Variants in ARHGAP12 observed in about 807,000 individuals in gnomAD.
ARHGAP12 encodes rho GTPase-activating protein 12.
ARHGAP12 carries 64 observed loss-of-function variants against 108.6 expected under a neutral mutation model. The observed-to-expected ratio is 0.59, with a 90% CI of 0.48 to 0.73. The LOEUF is 0.73. Among genes scored for constraint, ARHGAP12 ranks in the 30% least tolerant of loss-of-function variants. The pLI, the probability that ARHGAP12 is intolerant of heterozygous loss-of-function variation, is 0.00. For synonymous variants in ARHGAP12, 312 were observed against 337.2 expected, an observed-to-expected ratio of 0.93 and a Z score of 0.82; for missense variants, 940 against 1,005.9, an observed-to-expected ratio of 0.93 and a Z score of 0.89.
rs756096661 is a variant in ARHGAP12 at position 31,843,487 on chromosome 10, T to C, written c.1270A>G (p.Thr424Ala). The C allele has an allele frequency of 1.9e-6, 3 of 1,613,110 alleles. No homozygotes were observed. The highest frequency in any genetic ancestry group is 2.2e-5 in the South Asian group (2 of 90,954). Residue 424 changes from threonine (T) to alanine (A), a missense_variant, in exon 7 of 20, where the codon ACC (threonine) becomes GCC (alanine). Transcript: ENST00000344936. Reference sequence around the variant, plus strand: ...TTATCATTAGTGTCCAATACAATGGTGCTATGTCTCCACTTTGTTAATACT... The same window carrying C: ...TTATCATTAGTGTCCAATACAATGGCGCTATGTCTCCACTTTGTTAATACT... ...PIVLTKWRHS[T>A]IVLDTNDKES... is the part of the protein sequence containing the mutation.
chr10:31,920,463 A>G (rs1325230359), intron 1 of ARHGAP12, among the ~76,000 whole-genome samples: 1 of 151,048 alleles, frequency 6.6e-6, no homozygotes, highest in Admixed American at 6.6e-5. Context: ...AAAAAAAAAA[A>G]AAAAAAAAGA....
chr10:31,853,998 C>G (rs534882494), intron 5 of ARHGAP12, 68 bp downstream of exon 5: 12 of 1,449,318 alleles, frequency 8.3e-6, no homozygotes, highest in African/African-American at 1.4e-5. Flanking sequence ...AATACTAAAA[C>G]TGCAGTACAC....
intron 6 of ARHGAP12, among the ~76,000 whole-genome samples, chr10:31,849,910 A>G (rs962554925): frequency 2.6e-5 from 4 of 152,172 alleles, no homozygotes; most frequent in Admixed American, 2.6e-4. Context: ...AATGCAGCCT[A>G]TAGTTCTTCT....
At chr10:31,916,530 TC>T (rs1340769517) in intron 1 of ARHGAP12, among the ~76,000 whole-genome samples, 1 of 152,088 alleles carries the variant, frequency 6.6e-6, no homozygotes, top group Non-Finnish European at 1.5e-5. Context: ...GTTGTCTTTC[TC>T]CCCCAGGACA....
intron 3 of ARHGAP12, among the ~76,000 whole-genome samples, chr10:31,863,337 A>G (rs1174612104): frequency 1.3e-5 from 2 of 152,200 alleles, no homozygotes; most frequent in Non-Finnish European, 1.5e-5. Flanking sequence ...CATGTCTCAG[A>G]ACCTAGAATA....
At chr10:31,838,247 T>C (rs1836101215) in intron 9 of ARHGAP12, among the ~76,000 whole-genome samples, 2 of 151,930 alleles carry the variant, frequency 1.3e-5, no homozygotes, top group African/African-American at 4.8e-5. Flanking sequence ...GCAGGCTCCT[T>C]TGAGGAACTG....
intron 3 of ARHGAP12, among the ~76,000 whole-genome samples, chr10:31,900,362 T>C (rs752263755): frequency 3.9e-4 from 60 of 152,338 alleles, no homozygotes; most frequent in Middle Eastern, 3.4e-3. Context: ...CCATACATCA[T>C]GTTCTTAAGG....
At chr10:31,874,730 T>C (rs904569335) in intron 3 of ARHGAP12, among the ~76,000 whole-genome samples, 5 of 151,944 alleles carry the variant, frequency 3.3e-5, no homozygotes, top group Non-Finnish European at 2.9e-5. Context: ...TCCTAGCACT[T>C]TGGGCGGCCG....
At chr10:31,916,174 A>C (rs958575926) in intron 1 of ARHGAP12, among the ~76,000 whole-genome samples, 1 of 152,034 alleles carries the variant, frequency 6.6e-6, no homozygotes, top group South Asian at 2.1e-4. Flanking sequence ...CATCCCAAAC[A>C]CTTACAACTA....
intron 3 of ARHGAP12, among the ~76,000 whole-genome samples, chr10:31,866,773 G>A (rs542490600): frequency 3.2e-4 from 49 of 152,166 alleles, no homozygotes; most frequent in African/African-American, 1.1e-3. Flanking sequence ...GAGCCACCAT[G>A]CCCGGCTAAT....
Position 31,806,035 on chromosome 10 carries a change from A to C in ARHGAP12, c.*1623T>G, listed in dbSNP as rs1034062556. On this transcript the variant is annotated 3_prime_UTR_variant, in exon 20 of 20. Transcript: ENST00000344936. The stretch of plus-strand genomic sequence containing the variant: ...AAAAATACTTGTTCCCAAGGAAGGC[A>C]ATCTGTAAATTATAAATGCAACCCT... 2 of 151,984 alleles carry C rather than the reference A, an allele frequency of 1.3e-5. No individual in the cohort carries two copies. The highest frequency in any genetic ancestry group is 2.4e-5 in the African/African-American group (1 of 41,274). 9.4% of individuals were successfully genotyped at this position (151,984 alleles called of 1,614,324 possible).
At chr10:31,928,510 A>C (rs1592401102) in intron 1 of ARHGAP12, among the ~76,000 whole-genome samples, 173 bp downstream of exon 1, 6 of 142,796 alleles carry the variant, frequency 4.2e-5, no homozygotes, top group South Asian at 4.5e-4. Flanking sequence ...TGCGCGCCCG[A>C]CCTCCCTTTG....
At chr10:31,836,406 A>G (rs897074120) in intron 9 of ARHGAP12, among the ~76,000 whole-genome samples, 4 of 152,180 alleles carry the variant, frequency 2.6e-5, no homozygotes, top group African/African-American at 9.7e-5. Context: ...TTGACTTTTA[A>G]AAAATGTATA....
At chr10:31,832,794 A>G (rs1374933389) in intron 9 of ARHGAP12, among the ~76,000 whole-genome samples, 7 of 151,984 alleles carry the variant, frequency 4.6e-5, no homozygotes, top group Non-Finnish European at 8.8e-5. Flanking sequence ...AATATTGAGC[A>G]TTTTTTTTAC....
intron 3 of ARHGAP12, among the ~76,000 whole-genome samples, chr10:31,881,953 C>G (rs1001768184): frequency 7.0e-6 from 1 of 142,930 alleles, no homozygotes; most frequent in African/African-American, 2.7e-5. Context: ...CTCGCTCTGT[C>G]GCCCAGGCTG....
At chr10:31,829,169 C>CAAT (rs1835737033) in intron 10 of ARHGAP12, among the ~76,000 whole-genome samples, 1 of 151,864 alleles carries the variant, frequency 6.6e-6, no homozygotes, top group Non-Finnish European at 1.5e-5. Context: ...ACAACAACAA[C>CAAT]AACAACAACA....
intron 3 of ARHGAP12, 42 bp from the exon 4 acceptor site, chr10:31,861,700 T>C (rs750223853): frequency 1.3e-6 from 2 of 1,533,298 alleles, no homozygotes; most frequent in East Asian, 2.3e-5. Flanking sequence ...TAAACTGGTA[T>C]AACATTTAAG....
At chr10:31,843,753 T>C (rs1006448272) in intron 6 of ARHGAP12, among the ~76,000 whole-genome samples, 167 bp from the exon 7 acceptor site, 3 of 152,226 alleles carry the variant, frequency 2.0e-5, no homozygotes, top group South Asian at 4.1e-4. Context: ...TAACCAGAAC[T>C]GTGGCACAAT....
At chr10:31,816,886 C>G (rs1175809904) in intron 13 of ARHGAP12, among the ~76,000 whole-genome samples, 1 of 152,128 alleles carries the variant, frequency 6.6e-6, no homozygotes, top group Non-Finnish European at 1.5e-5. Context: ...TTACAAACTA[C>G]AAAGGAAGAA....
Sources: gnomAD v4.1 joint callset for allele counts (sites outside exome capture counted in the v4.1 genomes callset) on GRCh38, gnomAD v4.1.1 for gene constraint, MANE v1.5 for transcripts, NCBI Gene and HGNC (gene_info 2026-07-23, HGNC 2026-07-21) for gene names.